Variants in PSD3 observed in about 807,000 individuals in gnomAD.
PSD3 encodes the protein pleckstrin and Sec7 domain containing 3, also known as PH and SEC7 domain-containing protein 3.
A neutral mutation model predicts 105.5 loss-of-function variants in PSD3; 49 were observed. The ratio of observed to expected loss-of-function variants is 0.46; its 90% CI spans 0.37 to 0.59. The LOEUF (loss-of-function observed/expected upper bound fraction) is 0.59, where lower values mean the gene tolerates loss of function less well. Ranked by LOEUF, PSD3 falls within the 20% of genes least tolerant of loss-of-function variation. The pLI is 0.00. For missense variants in PSD3, 1,561 were observed against 1,263.8 expected, an observed-to-expected ratio of 1.24 and a Z score of -3.57; for synonymous variants, 557 against 457.8, an observed-to-expected ratio of 1.22 and a Z score of -2.77.
chr8:19,011,464 T>C (rs1336594993), intron 1 of PSD3, among the ~76,000 whole-genome samples: 1 of 152,212 alleles, frequency 6.6e-6, no homozygotes, highest in Non-Finnish European at 1.5e-5. Context: ...ATCAAGGTTT[T>C]AGAAAGAGGG....
chr8:18,917,139 G>A (rs190169033), intron 2 of PSD3, among the ~76,000 whole-genome samples: 146 of 152,058 alleles, frequency 9.6e-4, no homozygotes, highest in African/African-American at 3.1e-3. Context: ...TTTTCTTCCC[G>A]TATCATATCA....
chr8:18,621,105 C>G (rs1563388576), intron 11 of PSD3, among the ~76,000 whole-genome samples: 1 of 152,012 alleles, frequency 6.6e-6, no homozygotes, highest in Admixed American at 6.6e-5. Flanking sequence ...TCCATTGTTC[C>G]TAGTCAAGAG....
At chr8:18,621,166 G>C (rs1213983589) in intron 11 of PSD3, among the ~76,000 whole-genome samples, 3 of 152,132 alleles carry the variant, frequency 2.0e-5, no homozygotes, top group African/African-American at 7.2e-5. Context: ...CCAGCACTTC[G>C]GGAGGCTGAG....
chr8:18,588,918 T>A (rs1445536912), intron 12 of PSD3, among the ~76,000 whole-genome samples: 2 of 152,186 alleles, frequency 1.3e-5, no homozygotes, highest in East Asian at 3.8e-4. Context: ...AGGCCCACCC[T>A]GAGATGGAGT....
intron 1 of PSD3, among the ~76,000 whole-genome samples, chr8:19,045,387 A>G (rs984086056): frequency 1.3e-5 from 2 of 152,174 alleles, no homozygotes; most frequent in Non-Finnish European, 2.9e-5. Flanking sequence ...TCCCTCTCAT[A>G]TATCTCTCAT....
intron 1 of PSD3, among the ~76,000 whole-genome samples, chr8:19,047,178 C>A (rs1828349932): frequency 6.6e-6 from 1 of 152,184 alleles, no homozygotes; most frequent in South Asian, 2.1e-4. Flanking sequence ...AAATTCAGTG[C>A]CACTCAGCTG....
At chr8:18,819,718 G>T (rs558438405) in intron 4 of PSD3, among the ~76,000 whole-genome samples, 1 of 151,634 alleles carries the variant, frequency 6.6e-6, no homozygotes, top group Non-Finnish European at 1.5e-5. Context: ...AGCTAGGACT[G>T]CAGGCGCCCA....
intron 12 of PSD3, among the ~76,000 whole-genome samples, chr8:18,576,888 A>AT (rs1346160092): frequency 3.6e-5 from 5 of 140,042 alleles, no homozygotes; most frequent in African/African-American, 1.2e-4. Flanking sequence ...ATTTGTGTGT[A>AT]CTTTTTTTTT....
intron 1 of PSD3, among the ~76,000 whole-genome samples, chr8:19,046,393 G>A (rs1828319650): frequency 6.6e-6 from 1 of 152,128 alleles, no homozygotes; most frequent in Admixed American, 6.5e-5. Context: ...TACAGGCTGA[G>A]CCACCGTGCC....
intron 4 of PSD3, among the ~76,000 whole-genome samples, chr8:18,837,773 T>C (rs1221706343): frequency 6.6e-6 from 1 of 152,172 alleles, no homozygotes; most frequent in East Asian, 1.9e-4. Flanking sequence ...ACCCCGTCCC[T>C]ATATATTTAA....
intron 11 of PSD3, among the ~76,000 whole-genome samples, chr8:18,602,181 C>A (rs920338746): frequency 2.0e-5 from 3 of 149,210 alleles, no homozygotes; most frequent in African/African-American, 4.9e-5. Context: ...TGGCATCTTG[C>A]GATCCCTTTA....
intron 1 of PSD3, among the ~76,000 whole-genome samples, chr8:19,083,284 C>A (rs187469474): frequency 7.9e-5 from 12 of 152,320 alleles, no homozygotes; most frequent in Non-Finnish European, 1.6e-4. Context: ...GTTTTGTCCA[C>A]CCAATTTGAG....
chr8:18,793,936 C>T (rs1052473868), intron 8 of PSD3, among the ~76,000 whole-genome samples: 2 of 146,798 alleles, frequency 1.4e-5, no homozygotes, highest in Non-Finnish European at 3.0e-5. Context: ...TATAAAATAG[C>T]ACAATATGAA....
chr8:18,666,716 C>CA (rs1799484046), intron 9 of PSD3, among the ~76,000 whole-genome samples: 1 of 138,466 alleles, frequency 7.2e-6, no homozygotes, highest in Non-Finnish European at 1.5e-5. Flanking sequence ...TTCACTATTG[C>CA]TTTTTTTTGG....
At chr8:18,867,648 G>T in intron 4 of PSD3, 26 bp downstream of exon 4, 2 of 1,562,122 alleles carry the variant, frequency 1.3e-6, no homozygotes, top group Non-Finnish European at 1.7e-6. Flanking sequence ...CCACCAGCAT[G>T]AAATGAATGA....
chr8:18,707,230 C>T (rs1286076088), intron 9 of PSD3, among the ~76,000 whole-genome samples: 2 of 152,196 alleles, frequency 1.3e-5, no homozygotes, highest in Non-Finnish European at 2.9e-5. Context: ...TTCCAGAAAA[C>T]CTACCCGACA....
intron 6 of PSD3, among the ~76,000 whole-genome samples, chr8:18,804,162 A>G (rs985859164): frequency 6.6e-6 from 1 of 152,172 alleles, no homozygotes; most frequent in African/African-American, 2.4e-5. Flanking sequence ...TTCACAAACT[A>G]CAGGTTAAAC....
intron 2 of PSD3, chr8:18,924,753 A>G (rs1479470565): frequency 1.3e-5 from 2 of 152,232 alleles, no homozygotes; most frequent in Non-Finnish European, 2.9e-5. Context: ...CAGACGCTCA[A>G]CATTCACCCA....
chr8:18,936,782 T>C (rs1822167028), intron 1 of PSD3, among the ~76,000 whole-genome samples: 1 of 151,896 alleles, frequency 6.6e-6, no homozygotes, highest in South Asian at 2.1e-4. Context: ...GAAAACTGTA[T>C]TTTGTTTTTA....
Sources: gnomAD v4.1 joint callset for allele counts (sites outside exome capture counted in the v4.1 genomes callset) on GRCh38, gnomAD v4.1.1 for gene constraint, MANE v1.5 for transcripts, NCBI Gene and HGNC (gene_info 2026-07-23, HGNC 2026-07-21) for gene names.